Variants in SCHIP1 observed in about 807,000 individuals in gnomAD.
The protein encoded by SCHIP1 is schwannomin-interacting protein 1.
In SCHIP1, 8 loss-of-function variants were observed where a neutral mutation model predicts 29.7. The ratio of observed to expected loss-of-function variants is 0.27; its 90% CI spans 0.16 to 0.49. The LOEUF (loss-of-function observed/expected upper bound fraction) is 0.49. Ranked by LOEUF, SCHIP1 falls within the 20% of genes least tolerant of loss-of-function variation. The pLI is 0.99. For synonymous variants in SCHIP1, 76 were observed against 94.9 expected, an observed-to-expected ratio of 0.80 and a Z score of 1.16; for missense variants, 193 against 294.6, an observed-to-expected ratio of 0.66 and a Z score of 2.52.
chr3:159,732,654 AT>A, the SCHIP1 span, among the ~76,000 whole-genome samples: 1 of 152,122 alleles, frequency 6.6e-6, no homozygotes, highest in Middle Eastern at 3.4e-3. Context: ...GCCCTGAGGC[AT>A]TTCCAGGGCA....
chr3:159,859,583 A>T (rs1713797342), intron 1 of SCHIP1, among the ~76,000 whole-genome samples: 1 of 152,216 alleles, frequency 6.6e-6, no homozygotes, highest in Non-Finnish European at 1.5e-5. Flanking sequence ...ACTAGGCAAT[A>T]GATTGCACTG....
At chr3:159,507,692 G>A in the SCHIP1 span, among the ~76,000 whole-genome samples, 1 of 152,126 alleles carries the variant, frequency 6.6e-6, no homozygotes, top group Non-Finnish European at 1.5e-5. Flanking sequence ...GTTGAATTTT[G>A]TCAAAGGCCT....
chr3:159,766,702 T>C, the SCHIP1 span, among the ~76,000 whole-genome samples: 1 of 152,202 alleles, frequency 6.6e-6, no homozygotes, highest in African/African-American at 2.4e-5. Context: ...CAAATTGTTT[T>C]TGAGCACCCA....
chr3:159,494,363 T>A, the SCHIP1 span, among the ~76,000 whole-genome samples: 1 of 151,942 alleles, frequency 6.6e-6, no homozygotes, highest in African/African-American at 2.4e-5. Context: ...CTAGCAAGAC[T>A]AATAAAGAAG....
At chr3:159,507,258 G>A in the SCHIP1 span, among the ~76,000 whole-genome samples, 1 of 151,626 alleles carries the variant, frequency 6.6e-6, no homozygotes, top group African/African-American at 2.4e-5. Flanking sequence ...TCATGATTTG[G>A]CATTCTGTTT....
the SCHIP1 span, among the ~76,000 whole-genome samples, chr3:159,773,004 G>T: frequency 1.3e-5 from 2 of 152,186 alleles, no homozygotes; most frequent in African/African-American, 4.8e-5. Flanking sequence ...GCCTCCCAAA[G>T]TGCTGGGATT....
chr3:159,312,968 A>G, the SCHIP1 span, among the ~76,000 whole-genome samples: 1 of 152,226 alleles, frequency 6.6e-6, no homozygotes. Flanking sequence ...TTTAATTTCA[A>G]TCACAAATGT....
chr3:159,442,799 G>T, the SCHIP1 span, among the ~76,000 whole-genome samples: 3 of 152,142 alleles, frequency 2.0e-5, no homozygotes, highest in African/African-American at 7.2e-5. Flanking sequence ...GGGGATGGAG[G>T]TGAGGAGACA....
At chr3:159,711,274 T>C in the SCHIP1 span, among the ~76,000 whole-genome samples, 2 of 73,368 alleles carry the variant, frequency 2.7e-5, no homozygotes, top group Non-Finnish European at 4.2e-5. Flanking sequence ...GGCAGGAGAA[T>C]GGCGTGAACC....
At chr3:159,865,015 T>A (rs944755310) in intron 1 of SCHIP1, among the ~76,000 whole-genome samples, 2 of 152,182 alleles carry the variant, frequency 1.3e-5, no homozygotes, top group African/African-American at 4.8e-5. Context: ...ATGAAATTAT[T>A]TTCAGTGCGC....
chr3:159,736,247 G>C, the SCHIP1 span, among the ~76,000 whole-genome samples: 1 of 152,280 alleles, frequency 6.6e-6, no homozygotes. Flanking sequence ...CCTGCTACAG[G>C]GGTTAACTGT....
chr3:159,679,059 C>A, the SCHIP1 span, among the ~76,000 whole-genome samples: 1 of 152,128 alleles, frequency 6.6e-6, no homozygotes, highest in South Asian at 2.1e-4. Context: ...CCAAAGGATT[C>A]GATTGATGAA....
chr3:159,848,873 C>T (rs945089746), intron 1 of SCHIP1, among the ~76,000 whole-genome samples: 5 of 152,034 alleles, frequency 3.3e-5, no homozygotes, highest in African/African-American at 9.7e-5. Context: ...ATCCTGAAAA[C>T]GGTGGCACAG....
chr3:159,281,862 C>T, the SCHIP1 span, among the ~76,000 whole-genome samples: 2 of 151,818 alleles, frequency 1.3e-5, no homozygotes, highest in African/African-American at 4.8e-5. Context: ...AACAAAGACC[C>T]CTATTGTTAA....
the SCHIP1 span, among the ~76,000 whole-genome samples, chr3:159,480,561 T>C: frequency 6.6e-6 from 1 of 152,212 alleles, no homozygotes; most frequent in African/African-American, 2.4e-5. Context: ...TTTTCTTTTC[T>C]TATTGCTTAT....
the SCHIP1 span, among the ~76,000 whole-genome samples, chr3:159,734,770 C>A: frequency 3.4e-5 from 5 of 146,404 alleles, no homozygotes; most frequent in African/African-American, 1.0e-4. Flanking sequence ...AATGCTATTT[C>A]TCATTTCTTT....
chr3:159,482,363 A>C, the SCHIP1 span, among the ~76,000 whole-genome samples: 1 of 152,152 alleles, frequency 6.6e-6, no homozygotes, highest in East Asian at 1.9e-4. Flanking sequence ...AATATGTCCT[A>C]AACTGCAAGG....
At chr3:159,832,845 C>A in the SCHIP1 span, among the ~76,000 whole-genome samples, 101 of 152,318 alleles carry the variant, frequency 6.6e-4, 1 homozygote, top group African/African-American at 2.4e-3. Flanking sequence ...TACCATCGGT[C>A]AACTGTGGTG....
At chr3:159,322,141 A>G in the SCHIP1 span, among the ~76,000 whole-genome samples, 9 of 152,004 alleles carry the variant, frequency 5.9e-5, no homozygotes, top group Non-Finnish European at 1.0e-4. Context: ...ATTAGCTAAC[A>G]GAAGCTAAGT....
Sources: allele counts gnomAD v4.1 joint callset (sites outside exome capture counted in the v4.1 genomes callset), GRCh38; gene constraint gnomAD v4.1.1; transcripts MANE v1.5; gene names NCBI Gene and HGNC (gene_info 2026-07-23, HGNC 2026-07-21).